The following MISP3 variants were observed in gnomAD, a reference collection of about 807,000 sequenced individuals.
MISP3 encodes uncharacterized protein MISP3.
MISP3 carries 9 observed loss-of-function variants against 5.5 expected under a neutral mutation model. That is an observed-to-expected ratio of 1.65 (90% CI 0.99 to 2.87). The LOEUF (loss-of-function observed/expected upper bound fraction) is 2.87. Among genes scored for constraint, MISP3 ranks in the 30% most tolerant of loss-of-function variants. The pLI, the probability that MISP3 is intolerant of heterozygous loss-of-function variation, is 0.00. For synonymous variants in MISP3, 87 were observed against 38.1 expected, an observed-to-expected ratio of 2.28 and a Z score of -4.73; for missense variants, 152 against 84.1, an observed-to-expected ratio of 1.81 and a Z score of -3.16.
chr19:14,074,816 G>A lies in MISP3; in HGVS notation c.*93G>A. 2 of 678,210 alleles carry A rather than the reference G, an allele frequency of 2.9e-6. No individual in the cohort carries two copies. The highest frequency in any genetic ancestry group is 1.5e-5 in the South Asian group (1 of 67,090). 42.0% of individuals were successfully genotyped at this position (678,210 alleles called of 1,614,324 possible). On this transcript the variant is annotated 3_prime_UTR_variant, in exon 3 of 3. Coordinates refer to ENST00000587086, the MANE Select transcript of MISP3 (RefSeq NM_001291291.2). This position sits in a 1 kb window ranked among gnomAD's most constrained non-coding sequence, Gnocchi z 4.4. ...CTAGCATTAGGCCTGGAGAAGGGTC[G>A]GCTCTCTGCATTGGGGAAGATGAAA... is the stretch of plus-strand genomic sequence containing the variant.
At position 14,074,159 on chromosome 19, in the gene MISP3, G is replaced by C; in HGVS notation, c.569-231G>C. ...TGTCTTCCTTTTTGTCGGGTTCCAGGGAACCCTGACTGGGTTCTGGCACTC... is the reference window on the plus strand; with the variant it reads ...TGTCTTCCTTTTTGTCGGGTTCCAGCGAACCCTGACTGGGTTCTGGCACTC... On this transcript the variant is annotated intron_variant, in intron 1 of 2. Coordinates refer to ENST00000587086, the MANE Select transcript of MISP3 (RefSeq NM_001291291.2). The surrounding 1 kb of genome is among the most constrained non-coding windows in gnomAD (Gnocchi z 4.4). 1 of 593,010 alleles carries C rather than the reference G, an allele frequency of 1.7e-6. No individual in the cohort carries two copies. The highest frequency in any genetic ancestry group is 3.0e-6 in the Non-Finnish European group (1 of 334,022). The allele number at this position is 593,010 out of a possible 1,614,324, so 36.7% of individuals were successfully genotyped here. A position where few individuals can be genotyped will look rare whatever the true frequency, so the allele number is the denominator to read the frequency against.
Position 14,073,806 on chromosome 19 carries a change from A to G in MISP3, c.497A>G (p.Gln166Arg). ...QEVRAVRERE[Q>R]ELQRQRRSVY... is the part of the protein sequence containing the mutation. Reference sequence around the variant, plus strand: ...GTGCGCGCCGTGCGCGAGCGCGAGCAGGAACTGCAGCGCCAGCGGCGCAGC... The same window carrying G: ...GTGCGCGCCGTGCGCGAGCGCGAGCGGGAACTGCAGCGCCAGCGGCGCAGC... Residue 166 changes from glutamine to arginine, a missense_variant, in exon 1 of 3, where the codon CAG becomes CGG. Gln to Arg is a conservative substitution (Grantham distance 43). Transcript: ENST00000587086. This position sits in a 1 kb window ranked among gnomAD's most constrained non-coding sequence, Gnocchi z 8.5. 1.4e-6 allele frequency: 1 copy of G among 701,614 alleles called. No individual in the cohort carries two copies. 43.5% of individuals were successfully genotyped at this position (701,614 alleles called of 1,614,324 possible).
At position 14,073,242 on chromosome 19, in the gene MISP3, C is replaced by G. The variant is rs529384554; in HGVS notation, c.-68C>G. ...AAGACCTCCTCCTCCAGGTCAGGCT[C>G]GGAAGCCCCCCACCTGCGTTTTCCG... On this transcript the variant is annotated 5_prime_UTR_variant, in exon 1 of 3. Transcript: ENST00000587086. This position sits in a 1 kb window ranked among gnomAD's most constrained non-coding sequence, Gnocchi z 8.5. The G allele has an allele frequency of 2.3e-3, 1,568 of 682,230 alleles. 27 individuals carry two copies. The highest frequency in any genetic ancestry group is 0.016 in the South Asian group (1,044 of 66,684). The allele number at this position is 682,230 out of a possible 1,614,324, so 42.3% of individuals were successfully genotyped here.
Position 14,073,479 on chromosome 19 carries a change from AGCGGGCGCGG to A in MISP3, c.180_189del (p.Ala61ArgfsTer136), listed in dbSNP as rs768590996. On this transcript the variant is annotated frameshift_variant, in exon 1 of 3. Coordinates refer to ENST00000587086, the MANE Select transcript of MISP3 (RefSeq NM_001291291.2). LOFTEE classifies it high-confidence loss of function. The surrounding 1 kb of genome is among the most constrained non-coding windows in gnomAD (Gnocchi z 8.5). Reference sequence around the variant, plus strand: ...GGCCCCGCGCTCCCGCGCGCCCTGGAGCGGGCGCGGGCGGGCGCGCAGATGCAGCGGGACA... The same window carrying A: ...GGCCCCGCGCTCCCGCGCGCCCTGGAGCGGGCGCGCAGATGCAGCGGGACA... The A allele has an allele frequency of 1.2e-5, 5 of 431,106 alleles. No homozygotes were observed. In the South Asian group the frequency reaches 2.0e-4, roughly 17 times the overall value. The allele number at this position is 431,106 out of a possible 1,614,324, so 26.7% of individuals were successfully genotyped here.
chr19:14,073,113 C>T lies in MISP3; in HGVS notation c.-197C>T. Reference sequence around the variant, plus strand: ...CAGGACGCAGAGAGCCCCGGGCTGTCCACAGCTGCGGGCTTTGAGAGTCCT... The same window carrying T: ...CAGGACGCAGAGAGCCCCGGGCTGTTCACAGCTGCGGGCTTTGAGAGTCCT... On this transcript the variant is annotated 5_prime_UTR_variant, in exon 1 of 3. Coordinates refer to ENST00000587086, the MANE Select transcript of MISP3 (RefSeq NM_001291291.2). This position sits in a 1 kb window ranked among gnomAD's most constrained non-coding sequence, Gnocchi z 8.5. The T allele has an allele frequency of 1.5e-6, 1 of 655,592 alleles. No individual in the cohort carries two copies. The highest frequency in any genetic ancestry group is 2.8e-6 in the Non-Finnish European group (1 of 354,680). 40.6% of individuals were successfully genotyped at this position (655,592 alleles called of 1,614,324 possible). A position where few individuals can be genotyped will look rare whatever the true frequency, so the allele number is the denominator to read the frequency against.
At position 14,073,389 on chromosome 19, in the gene MISP3, C is replaced by T. The variant is rs1159152107; in HGVS notation, c.80C>T (p.Pro27Leu). Residue 27 changes from proline (P) to leucine (L), a missense_variant, in exon 1 of 3, where the codon CCG becomes CTG. Coordinates refer to ENST00000587086, the MANE Select transcript of MISP3 (RefSeq NM_001291291.2). The surrounding 1 kb of genome is among the most constrained non-coding windows in gnomAD (Gnocchi z 8.5). ...ESLRRSRGLS[P>L]GRAGRELVEL... ...CTGCGCCGGAGCCGGGGCCTGAGCCCGGGCCGCGCAGGCCGTGAACTCGTC... is the reference window on the plus strand; with the variant it reads ...CTGCGCCGGAGCCGGGGCCTGAGCCTGGGCCGCGCAGGCCGTGAACTCGTC... 2.9e-6 allele frequency: 2 copies of T among 693,398 alleles called. No homozygotes were observed. The highest frequency in any genetic ancestry group is 2.1e-5 in the Admixed American group (1 of 48,206). The allele number at this position is 693,398 out of a possible 1,614,324, so 43.0% of individuals were successfully genotyped here. A position where few individuals can be genotyped will look rare whatever the true frequency, so the allele number is the denominator to read the frequency against.
Position 14,074,506 on chromosome 19 carries a change from C to G in MISP3, c.642+43C>G. The G allele has an allele frequency of 1.4e-6, 1 of 691,400 alleles. No individual in the cohort carries two copies. Among genetic ancestry groups the G allele is most frequent in the Non-Finnish European group, 2.6e-6 (1 of 377,988 alleles). The allele number at this position is 691,400 out of a possible 1,614,324, so 42.8% of individuals were successfully genotyped here. On this transcript the variant is annotated intron_variant, in intron 2 of 2. Coordinates refer to ENST00000587086, the MANE Select transcript of MISP3 (RefSeq NM_001291291.2). This position sits in a 1 kb window ranked among gnomAD's most constrained non-coding sequence, Gnocchi z 4.4. ...CGTGTGCCTCTAGCGCTTGTCGGTC[C>G]CCCCACCCCTCCGGTGCCAGGACGC...
At position 14,074,493 on chromosome 19, in the gene MISP3, G is replaced by A; in HGVS notation, c.642+30G>A. The A allele has an allele frequency of 1.4e-6, 1 of 697,774 alleles. No homozygotes were observed. The highest frequency in any genetic ancestry group is 1.5e-5 in the South Asian group (1 of 67,374). 43.2% of individuals were successfully genotyped at this position (697,774 alleles called of 1,614,324 possible). A position where few individuals can be genotyped will look rare whatever the true frequency, so the allele number is the denominator to read the frequency against. ...GAGCCCCCTTACCCGTGTGCCTCTA[G>A]CGCTTGTCGGTCCCCCCACCCCTCC... On this transcript the variant is annotated intron_variant, in intron 2 of 2. Coordinates refer to ENST00000587086, the MANE Select transcript of MISP3 (RefSeq NM_001291291.2). This position sits in a 1 kb window ranked among gnomAD's most constrained non-coding sequence, Gnocchi z 4.4.
chr19:14,073,105 CG>C lies in MISP3; in HGVS notation c.-202del, dbSNP rs779818137. ...CAGTCGAGCAGGACGCAGAGAGCCCCGGGCTGTCCACAGCTGCGGGCTTTGA... is the reference window on the plus strand; with the variant it reads ...CAGTCGAGCAGGACGCAGAGAGCCCCGGCTGTCCACAGCTGCGGGCTTTGA... On this transcript the variant is annotated 5_prime_UTR_variant, in exon 1 of 3. Coordinates refer to ENST00000587086, the MANE Select transcript of MISP3 (RefSeq NM_001291291.2). This position sits in a 1 kb window ranked among gnomAD's most constrained non-coding sequence, Gnocchi z 8.5. The C allele has an allele frequency of 1.5e-6, 1 of 648,032 alleles. No homozygotes were observed. The highest frequency in any genetic ancestry group is 1.5e-5 in the South Asian group (1 of 66,304). The allele number at this position is 648,032 out of a possible 1,614,324, so 40.1% of individuals were successfully genotyped here. A position where few individuals can be genotyped will look rare whatever the true frequency, so the allele number is the denominator to read the frequency against.
Position 14,073,955 on chromosome 19 carries a change from T to C in MISP3, c.568+78T>C. On this transcript the variant is annotated intron_variant, in intron 1 of 2. Transcript: ENST00000587086. This position sits in a 1 kb window ranked among gnomAD's most constrained non-coding sequence, Gnocchi z 8.5. ...CCGATTGCCCAACTTCAGTGGCCCC[T>C]CCTGTGGCCCTCCGATTCTCGGGGT... is the stretch of plus-strand genomic sequence containing the variant. The C allele has an allele frequency of 1.5e-6, 1 of 654,666 alleles. No individual in the cohort carries two copies. Among genetic ancestry groups the C allele is most frequent in the Non-Finnish European group, 2.7e-6 (1 of 364,288 alleles). The allele number at this position is 654,666 out of a possible 1,614,324, so 40.6% of individuals were successfully genotyped here. A position where few individuals can be genotyped will look rare whatever the true frequency, so the allele number is the denominator to read the frequency against.
At position 14,074,208 on chromosome 19, in the gene MISP3, G is replaced by A; in HGVS notation, c.569-182G>A. 2 of 594,874 alleles carry A rather than the reference G, an allele frequency of 3.4e-6. No individual in the cohort carries two copies. The highest frequency in any genetic ancestry group is 1.9e-5 in the African/African-American group (1 of 53,668). The allele number at this position is 594,874 out of a possible 1,614,324, so 36.8% of individuals were successfully genotyped here. A position where few individuals can be genotyped will look rare whatever the true frequency, so the allele number is the denominator to read the frequency against. On this transcript the variant is annotated intron_variant, in intron 1 of 2. Coordinates refer to ENST00000587086, the MANE Select transcript of MISP3 (RefSeq NM_001291291.2). This position sits in a 1 kb window ranked among gnomAD's most constrained non-coding sequence, Gnocchi z 4.4. ...TCCTGGGTCCTCCCTCTGAATTTTC[G>A]GGCTCCTGCTTCTCCATTCTGGGTT...
In MISP3 at chr19:14,072,933, C is replaced by T. The variant is rs1368344674; in HGVS notation, c.-377C>T. 2 of 462,710 alleles carry T rather than the reference C, an allele frequency of 4.3e-6. No individual in the cohort carries two copies. The highest frequency in any genetic ancestry group is 4.7e-5 in the Admixed American group (2 of 42,622). The allele number at this position is 462,710 out of a possible 1,614,324, so 28.7% of individuals were successfully genotyped here. A position where few individuals can be genotyped will look rare whatever the true frequency, so the allele number is the denominator to read the frequency against. On this transcript the variant is annotated 5_prime_UTR_variant, in exon 1 of 3. Coordinates refer to ENST00000587086, the MANE Select transcript of MISP3 (RefSeq NM_001291291.2). The surrounding 1 kb of genome is among the most constrained non-coding windows in gnomAD (Gnocchi z 6.8). ...CCCCCACCGGCCGGAGAACGAAACC[C>T]TGGGGTCGTCTGAAGAGGAGGGCCA...
In MISP3 at chr19:14,074,106, G is replaced by C. The variant is rs1296036423; in HGVS notation, c.568+229G>C. 7 of 593,600 alleles carry C rather than the reference G, an allele frequency of 1.2e-5. No homozygotes were observed. The highest frequency in any genetic ancestry group is 1.5e-5 in the Non-Finnish European group (5 of 333,804). The allele number at this position is 593,600 out of a possible 1,614,324, so 36.8% of individuals were successfully genotyped here. On this transcript the variant is annotated intron_variant, in intron 1 of 2. Coordinates refer to ENST00000587086, the MANE Select transcript of MISP3 (RefSeq NM_001291291.2). The surrounding 1 kb of genome is among the most constrained non-coding windows in gnomAD (Gnocchi z 4.4). Reference sequence around the variant, plus strand: ...TGGACTCTCTGATCCACACCACCCAGGCTGCGCGGGGGTGGGGGCATTCCA... The same window carrying C: ...TGGACTCTCTGATCCACACCACCCACGCTGCGCGGGGGTGGGGGCATTCCA...
rs917659225 is a variant in MISP3, at chr19:14,074,140, C to T, written c.569-250C>T. The T allele has an allele frequency of 6.7e-6, 4 of 592,750 alleles. No individual in the cohort carries two copies. The African/African-American group carries it at 7.5e-5, about 11-fold the overall frequency. The allele number at this position is 592,750 out of a possible 1,614,324, so 36.7% of individuals were successfully genotyped here. ...GGGGTGGGGGCATTCCAGATGTCTT[C>T]CTTTTTGTCGGGTTCCAGGGAACCC... is the stretch of plus-strand genomic sequence containing the variant. On this transcript the variant is annotated intron_variant, in intron 1 of 2. Transcript: ENST00000587086. This position sits in a 1 kb window ranked among gnomAD's most constrained non-coding sequence, Gnocchi z 4.4.
rs576587702 is a variant in MISP3, at chr19:14,074,764, G to C, written c.*41G>C. On this transcript the variant is annotated 3_prime_UTR_variant, in exon 3 of 3. Coordinates refer to ENST00000587086, the MANE Select transcript of MISP3 (RefSeq NM_001291291.2). This position sits in a 1 kb window ranked among gnomAD's most constrained non-coding sequence, Gnocchi z 4.4. ...GGACCCCCGGCCGGAAGTAACGTAC[G>C]CGTCAGAGGAACAGGGCGGGGGGCG... 1 of 699,928 alleles carries C rather than the reference G, an allele frequency of 1.4e-6. No individual in the cohort carries two copies. Among genetic ancestry groups the C allele is most frequent in the Non-Finnish European group, 2.6e-6 (1 of 382,548 alleles). The allele number at this position is 699,928 out of a possible 1,614,324, so 43.4% of individuals were successfully genotyped here.
Position 14,075,009 on chromosome 19 carries a change from C to A in MISP3, c.*286C>A. On this transcript the variant is annotated 3_prime_UTR_variant, in exon 3 of 3. Transcript: ENST00000587086. ...TGACTGTTAAGAGGGCCGGAGTTAC[C>A]GCCTCGATTGCCCCACTCCCCCCAC... The A allele has an allele frequency of 2.5e-6, 1 of 396,550 alleles. No homozygotes were observed. The highest frequency in any genetic ancestry group is 4.7e-6 in the Non-Finnish European group (1 of 212,492). 24.6% of individuals were successfully genotyped at this position (396,550 alleles called of 1,614,324 possible).
rs1976652133 is a variant in MISP3, at chr19:14,074,353, C to T, written c.569-37C>T. 2 of 701,136 alleles carry T rather than the reference C, an allele frequency of 2.9e-6. No homozygotes were observed. The highest frequency in any genetic ancestry group is 5.4e-5 in the East Asian group (2 of 37,280). The allele number at this position is 701,136 out of a possible 1,614,324, so 43.4% of individuals were successfully genotyped here. ...TGCGGCCGGCCTTTCATCCTGGCTG[C>T]CGCCAGCTGGTGAGCTGAGCGCCCC... is the stretch of plus-strand genomic sequence containing the variant. On this transcript the variant is annotated intron_variant, in intron 1 of 2. Transcript: ENST00000587086. This position sits in a 1 kb window ranked among gnomAD's most constrained non-coding sequence, Gnocchi z 4.4.
rs1976649507 is a variant in MISP3, at chr19:14,074,246, C to T, written c.569-144C>T. On this transcript the variant is annotated intron_variant, in intron 1 of 2. Coordinates refer to ENST00000587086, the MANE Select transcript of MISP3 (RefSeq NM_001291291.2). The surrounding 1 kb of genome is among the most constrained non-coding windows in gnomAD (Gnocchi z 4.4). Reference sequence around the variant, plus strand: ...TCCATTCTGGGTTCACCTCCCTCCTCCCTCGGGTTCCTGGGTGCCTGGAGT... The same window carrying T: ...TCCATTCTGGGTTCACCTCCCTCCTTCCTCGGGTTCCTGGGTGCCTGGAGT... 3 of 613,624 alleles carry T rather than the reference C, an allele frequency of 4.9e-6. No individual in the cohort carries two copies. The highest frequency in any genetic ancestry group is 8.8e-6 in the Non-Finnish European group (3 of 341,882). The allele number at this position is 613,624 out of a possible 1,614,324, so 38.0% of individuals were successfully genotyped here. A position where few individuals can be genotyped will look rare whatever the true frequency, so the allele number is the denominator to read the frequency against.
Position 14,073,886 on chromosome 19 carries a change from C to T in MISP3, c.568+9C>T, listed in dbSNP as rs1193406643. On this transcript the variant is annotated intron_variant, in intron 1 of 2. Transcript: ENST00000587086. This position sits in a 1 kb window ranked among gnomAD's most constrained non-coding sequence, Gnocchi z 8.5. ...TACGCCGAGCCTCACCGGTAAGCCG[C>T]GGGCGTAGCAACGCCGGGACCCCCA... 9 of 689,528 alleles carry T rather than the reference C, an allele frequency of 1.3e-5. No homozygotes were observed. Among genetic ancestry groups the T allele is most frequent in the African/African-American group, 2.0e-5 (1 of 50,576 alleles). The allele number at this position is 689,528 out of a possible 1,614,324, so 42.7% of individuals were successfully genotyped here. A position where few individuals can be genotyped will look rare whatever the true frequency, so the allele number is the denominator to read the frequency against.
Sources: gnomAD v4.1 joint callset for allele counts on GRCh38, gnomAD v4.1.1 for gene constraint, Gnocchi (gnomAD v3.1) non-coding constraint, MANE v1.5 for transcripts, NCBI Gene and HGNC (gene_info 2026-07-23, HGNC 2026-07-21) for gene names.